Variants in MKLN1 observed in about 807,000 individuals in gnomAD.
MKLN1 encodes muskelin 1, also known as muskelin.
MKLN1 carries 18 observed loss-of-function variants against 99.0 expected under a neutral mutation model. The ratio of observed to expected loss-of-function variants is 0.18; its 90% confidence interval spans 0.13 to 0.27. The LOEUF is 0.27. Ranked by LOEUF, MKLN1 falls within the 10% of genes least tolerant of loss-of-function variation. The pLI is 1.00. For missense variants in MKLN1, 621 were observed against 875.9 expected, an observed-to-expected ratio of 0.71 and a Z score of 3.67; for synonymous variants, 288 against 293.2, an observed-to-expected ratio of 0.98 and a Z score of 0.18.
At chr7:131,259,222 A>G (rs7809904) in intron 3 of MKLN1, among the ~76,000 whole-genome samples, 149,239 of 152,236 alleles carry the variant, frequency 0.98, 73,235 homozygotes, top group Middle Eastern at 1. Flanking sequence ...TCCAGAGTGC[A>G]TCACCTCTGG....
intron 2 of MKLN1, among the ~76,000 whole-genome samples, chr7:131,380,447 G>C (rs1485460245): frequency 2.6e-5 from 4 of 151,870 alleles, no homozygotes; most frequent in Non-Finnish European, 5.9e-5. Flanking sequence ...AACAAAAAAT[G>C]AAAAATACAA....
At chr7:131,212,880 A>C (rs1796926578) in intron 3 of MKLN1, among the ~76,000 whole-genome samples, 1 of 151,466 alleles carries the variant, frequency 6.6e-6, no homozygotes, top group African/African-American at 2.4e-5. Context: ...CCGAGATCGC[A>C]CCATTGTACT....
At position 131,445,768 on chromosome 7, in the gene MKLN1, T is replaced by C; in HGVS notation, c.1396-6T>C. 1 of 1,586,088 alleles carries C rather than the reference T, an allele frequency of 6.3e-7. No individual in the cohort carries two copies. The highest frequency in any genetic ancestry group is 1.2e-5 in the South Asian group (1 of 84,766). On this transcript the variant is annotated splice_polypyrimidine_tract_variant and splice_region_variant and intron_variant, in intron 11 of 17. Coordinates refer to ENST00000352689, the MANE Select transcript of MKLN1 (RefSeq NM_013255.5). ...CTCCTTTCTTTTTTTTTTTCTTCTT[T>C]TTCAGAAAAATCGTTGCTTATATGT... is the stretch of plus-strand genomic sequence containing the variant.
At chr7:131,462,674 T>C (rs1041487820) in intron 12 of MKLN1, among the ~76,000 whole-genome samples, 1 of 152,178 alleles carries the variant, frequency 6.6e-6, no homozygotes, top group Non-Finnish European at 1.5e-5. Context: ...GGGAACAAAA[T>C]AGTGAACAAA....
chr7:131,309,723 T>TTTTTTTTC, intron 3 of MKLN1: 1 of 109,612 alleles, frequency 9.1e-6, no homozygotes, highest in Non-Finnish European at 2.0e-5. Context: ...ACAAGTGGAT[T>TTTTTTTTC]TTTTTTTTTT....
chr7:131,236,575 C>A (rs982416815), intron 3 of MKLN1, among the ~76,000 whole-genome samples: 2 of 151,892 alleles, frequency 1.3e-5, no homozygotes, highest in African/African-American at 4.8e-5. Context: ...TGGGGAGGAT[C>A]ACTTGAACTC....
chr7:131,386,928 T>C (rs932812266), intron 2 of MKLN1, among the ~76,000 whole-genome samples, 192 bp from the exon 3 acceptor site: 2 of 152,232 alleles, frequency 1.3e-5, no homozygotes, highest in African/African-American at 4.8e-5. Context: ...TCTACTGGCG[T>C]GAAAAGTGGT....
chr7:131,486,272 G>T (rs1299743697), intron 17 of MKLN1, among the ~76,000 whole-genome samples: 5 of 145,796 alleles, frequency 3.4e-5, no homozygotes, highest in Admixed American at 2.0e-4. Context: ...AAAAAAAAAA[G>T]CATAAAATAG....
intron 1 of MKLN1, among the ~76,000 whole-genome samples, chr7:131,365,739 A>G (rs575288036): frequency 1.3e-5 from 2 of 152,176 alleles, no homozygotes; most frequent in African/African-American, 2.4e-5. Context: ...GCTTTGTTGA[A>G]GATCAGATGA....
At position 131,484,078 on chromosome 7, in the gene MKLN1, G is replaced by A. The variant is rs534589706; in HGVS notation, c.2087-3529G>A. On this transcript the variant is annotated intron_variant, in intron 17 of 17. Coordinates refer to ENST00000352689, the MANE Select transcript of MKLN1 (RefSeq NM_013255.5). Reference sequence around the variant, plus strand: ...TAAGTTAATGATGTGGCTTGTAGACGTTTTTATGAAGCTACACTAGATCAG... The same window carrying A: ...TAAGTTAATGATGTGGCTTGTAGACATTTTTATGAAGCTACACTAGATCAG... Among the ~76,000 whole-genome samples, 11 of 152,042 alleles carry A rather than the reference G, an allele frequency of 7.2e-5. 1 individual carries two copies. The highest frequency in any genetic ancestry group is 6.8e-3 in the Middle Eastern group (2 of 294).
At chr7:131,445,579 T>C (rs1371619525) in intron 11 of MKLN1, among the ~76,000 whole-genome samples, 195 bp from the exon 12 acceptor site, 1 of 152,146 alleles carries the variant, frequency 6.6e-6, no homozygotes, top group African/African-American at 2.4e-5. Flanking sequence ...CTTTTCTTCT[T>C]TAACAGGATG....
chr7:131,380,293 A>G (rs1217012967), intron 2 of MKLN1, among the ~76,000 whole-genome samples: 1 of 152,200 alleles, frequency 6.6e-6, no homozygotes, highest in Non-Finnish European at 1.5e-5. Flanking sequence ...TTTGGTGTCT[A>G]TCAAAATAGA....
At chr7:131,451,835 T>C (rs1397840920) in intron 12 of MKLN1, among the ~76,000 whole-genome samples, 1 of 152,204 alleles carries the variant, frequency 6.6e-6, no homozygotes, top group African/African-American at 2.4e-5. Context: ...TTGAAACTTA[T>C]GTGTAGAAGA....
In MKLN1 at chr7:131,428,916, T is replaced by C. The variant is rs1014598890; in HGVS notation, c.848-117T>C. The C allele has an allele frequency of 3.6e-5, 24 of 664,612 alleles. No individual in the cohort carries two copies. In the South Asian group the frequency reaches 4.9e-4, roughly 13 times the overall value. The allele number at this position is 664,612 out of a possible 1,614,324, so 41.2% of individuals were successfully genotyped here. A position where few individuals can be genotyped will look rare whatever the true frequency, so the allele number is the denominator to read the frequency against. On this transcript the variant is annotated intron_variant, in intron 8 of 17. Coordinates refer to ENST00000352689, the MANE Select transcript of MKLN1 (RefSeq NM_013255.5). ...GAAAGTTACCAGGTTAAAATTTTTA[T>C]TTTAAAATTTATTTAGATGTAGCTT...
chr7:131,338,502 G>A (rs1799313818), intron 1 of MKLN1, among the ~76,000 whole-genome samples: 1 of 152,188 alleles, frequency 6.6e-6, no homozygotes, highest in Admixed American at 6.5e-5. Flanking sequence ...TCAAGTCTTA[G>A]CTACCTCAGA....
intron 2 of MKLN1, among the ~76,000 whole-genome samples, chr7:131,145,846 TA>T (rs1408841657): frequency 1.3e-5 from 2 of 152,230 alleles, no homozygotes; most frequent in Non-Finnish European, 2.9e-5. Context: ...CTGGAGGTAG[TA>T]AATTCCCTGA....
intron 3 of MKLN1, among the ~76,000 whole-genome samples, chr7:131,308,016 A>G (rs574290342): frequency 4.6e-5 from 7 of 152,164 alleles, no homozygotes; most frequent in Non-Finnish European, 7.4e-5. Context: ...TGGGAGGTGA[A>G]TGGATCATAG....
At position 131,375,070 on chromosome 7, in the gene MKLN1, G is replaced by A. The variant is rs148648252; in HGVS notation, c.99-354G>A. ...TCAAGTCTTCCTCCAAGTAGCTGAG[G>A]TTACAGACGTGTGCCACTGCACCCA... is the stretch of plus-strand genomic sequence containing the variant. On this transcript the variant is annotated intron_variant, in intron 1 of 17. Coordinates refer to ENST00000352689, the MANE Select transcript of MKLN1 (RefSeq NM_013255.5). Among the ~76,000 whole-genome samples the A allele has an allele frequency of 7.9e-3, 1,204 of 151,788 alleles. 11 individuals carry two copies. The highest frequency in any genetic ancestry group is 0.013 in the Non-Finnish European group (869 of 67,924).
At chr7:131,331,438 A>G (rs1323916206) in intron 1 of MKLN1, among the ~76,000 whole-genome samples, 1 of 152,216 alleles carries the variant, frequency 6.6e-6, no homozygotes, top group Non-Finnish European at 1.5e-5. Flanking sequence ...TTTTAGAGCT[A>G]GGAAAAGTGA....
Sources: gnomAD v4.1 joint callset for allele counts (sites outside exome capture counted in the v4.1 genomes callset) on GRCh38, gnomAD v4.1.1 for gene constraint, MANE v1.5 for transcripts, NCBI Gene and HGNC (gene_info 2026-07-23, HGNC 2026-07-21) for gene names.